Variants in APLF observed in about 807,000 individuals in gnomAD.
APLF encodes aprataxin and PNKP like factor.
Under a neutral mutation model 55.6 loss-of-function variants are expected in APLF, and 61 were observed. The ratio of observed to expected loss-of-function variants is 1.10; its 90% CI spans 0.89 to 1.36. The LOEUF (loss-of-function observed/expected upper bound fraction) is 1.36, where lower values mean the gene tolerates loss of function less well. Ranked by LOEUF, APLF falls within the 40% of genes most tolerant of loss-of-function variation. The pLI is 0.00. For missense variants in APLF, 611 were observed against 602.5 expected (o/e 1.01, Z -0.15); for synonymous variants, 207 against 214.8 (o/e 0.96, Z 0.32).
At chr2:68,550,242 T>A (rs1670818523) in intron 8 of APLF, among the ~76,000 whole-genome samples, 1 of 151,910 alleles carries the variant, frequency 6.6e-6, no homozygotes, top group Non-Finnish European at 1.5e-5. Flanking sequence ...TCCATTTACA[T>A]TTTTTTTGAG....
intron 8 of APLF, among the ~76,000 whole-genome samples, chr2:68,560,475 T>C (rs1671138744): frequency 6.6e-6 from 1 of 152,132 alleles, no homozygotes; most frequent in Non-Finnish European, 1.5e-5. Context: ...ATTTATAACT[T>C]TGTCATAATG....
At chr2:68,479,237 C>T (rs913075708) in intron 1 of APLF, among the ~76,000 whole-genome samples, 1 of 152,094 alleles carries the variant, frequency 6.6e-6, no homozygotes, top group African/African-American at 2.4e-5. Flanking sequence ...GAGAACATCA[C>T]GAGTCCCGAA....
intron 5 of APLF, among the ~76,000 whole-genome samples, chr2:68,524,056 G>A (rs1397020400): frequency 6.6e-6 from 1 of 152,034 alleles, no homozygotes; most frequent in Non-Finnish European, 1.5e-5. Flanking sequence ...TACCATTTGT[G>A]TAGAAGCTGT....
At chr2:68,536,178 C>T (rs1670379625) in intron 6 of APLF, among the ~76,000 whole-genome samples, 1 of 152,012 alleles carries the variant, frequency 6.6e-6, no homozygotes, top group Non-Finnish European at 1.5e-5. Context: ...ACTTGTGCAG[C>T]GTGGGAGCAA....
At position 68,573,459 on chromosome 2, in the gene APLF, G is replaced by A. The variant is rs369803516; in HGVS notation, c.1334-4361G>A. On this transcript the variant is annotated intron_variant, in intron 9 of 9. Transcript: ENST00000303795. ...GGGCCGAGGCGGGTGGATCACCTGAGGTCAGGAGTTCAAGACCAGCCTGAC... is the reference window on the plus strand; with the variant it reads ...GGGCCGAGGCGGGTGGATCACCTGAAGTCAGGAGTTCAAGACCAGCCTGAC... Among the ~76,000 whole-genome samples, 61 of 152,206 alleles carry A rather than the reference G, an allele frequency of 4.0e-4. 1 individual carries two copies. The East Asian group carries it at 0.012, about 29-fold the overall frequency.
chr2:68,513,442 A>G (rs1233297287), intron 4 of APLF, 106 bp from the exon 5 acceptor site: 13 of 1,334,276 alleles, frequency 9.7e-6, no homozygotes, highest in East Asian at 4.6e-5. Context: ...AACTCAGTCT[A>G]CAGTTGCATA....
At chr2:68,568,382 A>G (rs2104070646) in intron 9 of APLF, 2 of 884,010 alleles carry the variant, frequency 2.3e-6, no homozygotes, top group East Asian at 1.2e-4. Flanking sequence ...TTTCACTGTA[A>G]GGGAATTCCA....
In APLF at chr2:68,578,062, T is replaced by A; in HGVS notation, c.*40T>A. On this transcript the variant is annotated 3_prime_UTR_variant, in exon 10 of 10. Transcript: ENST00000303795. ...AGTCATATCTGCCTTACATTTACTT[T>A]TTCTTTGTGGGAAAACATTTATGAA... 4 of 1,580,058 alleles carry A rather than the reference T, an allele frequency of 2.5e-6. No homozygotes were observed. Among genetic ancestry groups the A allele is most frequent in the Non-Finnish European group, 3.4e-6 (4 of 1,164,450 alleles).
intron 1 of APLF, among the ~76,000 whole-genome samples, chr2:68,485,831 A>G (rs1434950483): frequency 7.2e-6 from 1 of 137,980 alleles, no homozygotes; most frequent in Non-Finnish European, 1.5e-5. Context: ...TTTTTTTGAG[A>G]CAGGGTCTCA....
At chr2:68,469,156 C>T (rs1675537658) in intron 1 of APLF, among the ~76,000 whole-genome samples, 1 of 151,928 alleles carries the variant, frequency 6.6e-6, no homozygotes, top group Admixed American at 6.6e-5. Context: ...TTTTTTTCAT[C>T]GTTTGTTGGC....
intron 8 of APLF, among the ~76,000 whole-genome samples, chr2:68,566,362 T>G (rs968627208): frequency 3.9e-5 from 6 of 152,078 alleles, no homozygotes; most frequent in Admixed American, 2.0e-4. Context: ...AGAAAGTGCT[T>G]CTTTAATGTC....
intron 5 of APLF, among the ~76,000 whole-genome samples, chr2:68,515,037 T>C (rs1265010006): frequency 6.6e-6 from 1 of 151,802 alleles, no homozygotes; most frequent in Non-Finnish European, 1.5e-5. Flanking sequence ...CTTTGTGTAT[T>C]CTGCACAGTG....
At chr2:68,558,380 T>A (rs2104046375) in intron 8 of APLF, among the ~76,000 whole-genome samples, 1 of 152,316 alleles carries the variant, frequency 6.6e-6, no homozygotes, top group East Asian at 1.9e-4. Flanking sequence ...TGTTTTTTAT[T>A]TAATAAAGAC....
At chr2:68,519,080 A>T (rs1198225806) in intron 5 of APLF, among the ~76,000 whole-genome samples, 1 of 127,396 alleles carries the variant, frequency 7.8e-6, no homozygotes, top group Admixed American at 8.8e-5. Context: ...TAATAATATA[A>T]TATATAATTA....
At chr2:68,474,144 T>G (rs1486212498) in intron 1 of APLF, among the ~76,000 whole-genome samples, 1 of 152,238 alleles carries the variant, frequency 6.6e-6, no homozygotes, top group Non-Finnish European at 1.5e-5. Context: ...TGGGAAGGGA[T>G]ACTGAGCTTC....
chr2:68,484,862 A>C (rs1429921037), intron 1 of APLF, among the ~76,000 whole-genome samples: 1 of 152,016 alleles, frequency 6.6e-6, no homozygotes, highest in East Asian at 1.9e-4. Flanking sequence ...CAATTGTTAG[A>C]GGAATGTATA....
chr2:68,468,098 G>T (rs1675490047), intron 1 of APLF, among the ~76,000 whole-genome samples: 1 of 152,214 alleles, frequency 6.6e-6, no homozygotes. Context: ...GCCTATGTTT[G>T]TATGGCCCCA....
At chr2:68,494,040 G>A (rs1221637739) in intron 2 of APLF, among the ~76,000 whole-genome samples, 1 of 151,238 alleles carries the variant, frequency 6.6e-6, no homozygotes, top group African/African-American at 2.4e-5. Context: ...CCCAGGAGGC[G>A]GAGCTTGCAG....
At chr2:68,527,586 C>A (rs182096427) in intron 6 of APLF, among the ~76,000 whole-genome samples, 240 of 151,544 alleles carry the variant, frequency 1.6e-3, no homozygotes, top group Middle Eastern at 6.8e-3. Context: ...TGTAAGGGGG[C>A]CGGGCAGAGG....
Sources: gnomAD v4.1 joint callset for allele counts (sites outside exome capture counted in the v4.1 genomes callset) on GRCh38, gnomAD v4.1.1 for gene constraint, MANE v1.5 for transcripts, NCBI Gene and HGNC (gene_info 2026-07-23, HGNC 2026-07-21) for gene names.